The following RBFOX1 variants were observed in gnomAD, a reference collection of about 807,000 sequenced individuals.
RBFOX1 encodes RNA binding fox-1 homolog 1, also known as RNA binding protein fox-1 homolog 1.
Under a neutral mutation model 57.7 loss-of-function variants are expected in RBFOX1, and 8 were observed. That is an observed-to-expected ratio of 0.14 (90% CI 0.08 to 0.25). The LOEUF is 0.25. RBFOX1 is among the 10% of genes least tolerant of loss of function. RBFOX1 has a pLI of 1.00. For missense variants in RBFOX1, 611 were observed against 548.5 expected (o/e 1.11, Z -1.14); for synonymous variants, 326 against 222.4 (o/e 1.47, Z -4.15).
At chr16:6,565,897 A>G (rs961605513) in intron 2 of RBFOX1, among the ~76,000 whole-genome samples, 4 of 152,194 alleles carry the variant, frequency 2.6e-5, no homozygotes, top group African/African-American at 7.2e-5. Flanking sequence ...CCCAATATCC[A>G]TGGCTTAAAA....
intron 3 of RBFOX1, among the ~76,000 whole-genome samples, chr16:6,969,636 C>G (rs13331573): frequency 6.6e-6 from 1 of 151,948 alleles, no homozygotes; most frequent in East Asian, 1.9e-4. Context: ...CTCAGCTACT[C>G]GGGAGGCTGA....
chr16:7,629,712 G>C (rs1460115234), intron 10 of RBFOX1, among the ~76,000 whole-genome samples: 1 of 152,220 alleles, frequency 6.6e-6, no homozygotes, highest in East Asian at 1.9e-4. Context: ...AGATTGAGGA[G>C]GTATCTCAGG....
chr16:7,533,415 T>TAA (rs1555560643), intron 5 of RBFOX1, among the ~76,000 whole-genome samples: 3 of 151,360 alleles, frequency 2.0e-5, no homozygotes, highest in African/African-American at 7.3e-5. Flanking sequence ...CCTGCATTTT[T>TAA]TAAAAAAAAA....
intron 2 of RBFOX1, among the ~76,000 whole-genome samples, chr16:6,632,748 G>A (rs938266920): frequency 6.6e-5 from 10 of 152,190 alleles, no homozygotes; most frequent in African/African-American, 1.7e-4. Flanking sequence ...TTAAGCAGCC[G>A]CAAGGCCTAT....
intron 2 of RBFOX1, among the ~76,000 whole-genome samples, chr16:6,473,525 A>C (rs752428437): frequency 6.6e-6 from 1 of 151,800 alleles, no homozygotes; most frequent in Admixed American, 6.6e-5. Flanking sequence ...AAGCTACATG[A>C]GGGCTCTTGT....
At chr16:6,842,727 A>G (rs2093550803) in intron 3 of RBFOX1, among the ~76,000 whole-genome samples, 2 of 150,968 alleles carry the variant, frequency 1.3e-5, no homozygotes, top group South Asian at 4.2e-4. Flanking sequence ...ATAGGTATAC[A>G]TGTGCCATGG....
rs560138526 is a variant in RBFOX1 at position 6,948,135 on chromosome 16, A to G, written c.-15-103922A>G. ...GAAGGAGTAGAAAACAATACAAAAT[A>G]GAAACATGCCTTTCAGCCAGGCATG... On this transcript the variant is annotated intron_variant, in intron 3 of 15. Coordinates refer to ENST00000550418, the MANE Select transcript of RBFOX1 (RefSeq NM_018723.4). Among the ~76,000 whole-genome samples the G allele has an allele frequency of 7.9e-5, 12 of 152,214 alleles. No individual in the cohort carries two copies. The East Asian group carries it at 2.1e-3, about 27-fold the overall frequency.
At chr16:6,661,655 C>T (rs1370227669) in intron 3 of RBFOX1, among the ~76,000 whole-genome samples, 1 of 152,132 alleles carries the variant, frequency 6.6e-6, no homozygotes, top group Non-Finnish European at 1.5e-5. Context: ...CAGAGACTGG[C>T]CCTGGGTGAA....
intron 4 of RBFOX1, among the ~76,000 whole-genome samples, chr16:7,245,953 C>G (rs1603443250): frequency 6.6e-6 from 1 of 152,122 alleles, no homozygotes; most frequent in Admixed American, 6.5e-5. Context: ...ACACAATTAG[C>G]CCATCCCTGA....
chr16:5,445,574 C>G (rs917489089), intron 1 of RBFOX1, among the ~76,000 whole-genome samples: 3 of 152,182 alleles, frequency 2.0e-5, no homozygotes, highest in Non-Finnish European at 4.4e-5. Flanking sequence ...CTCTGGATTT[C>G]TTTAGGTGAG....
At chr16:6,717,520 C>A (rs914592467) in intron 3 of RBFOX1, among the ~76,000 whole-genome samples, 42 of 151,800 alleles carry the variant, frequency 2.8e-4, no homozygotes, top group African/African-American at 9.9e-4. Flanking sequence ...GATTTAACAA[C>A]CAAAAATTGT....
chr16:6,107,682 T>C (rs1189348068), intron 1 of RBFOX1, among the ~76,000 whole-genome samples: 3 of 103,138 alleles, frequency 2.9e-5, no homozygotes, highest in Non-Finnish European at 5.5e-5. Flanking sequence ...GGTGGATGGA[T>C]AGGTGGGTGG....
intron 1 of RBFOX1, among the ~76,000 whole-genome samples, chr16:5,303,457 C>T (rs1310068140): frequency 6.6e-6 from 1 of 152,164 alleles, no homozygotes. Flanking sequence ...TTTGCTGTCA[C>T]CTCTCTTTCC....
chr16:6,706,572 T>G (rs528240640), intron 3 of RBFOX1, among the ~76,000 whole-genome samples: 2 of 152,314 alleles, frequency 1.3e-5, no homozygotes, highest in Admixed American at 1.3e-4. Context: ...TGTTTCTGGA[T>G]GCTGGGATGT....
chr16:6,542,507 T>TTTTTTTTTTTTA (rs3066933), intron 2 of RBFOX1, among the ~76,000 whole-genome samples: 1 of 107,042 alleles, frequency 9.3e-6, no homozygotes, highest in Non-Finnish European at 2.0e-5. Flanking sequence ...TTTTTTTTTT[T>TTTTTTTTTTTTA]GAGCAGGAGT....
At chr16:7,699,780 A>T (rs1396363909) in intron 14 of RBFOX1, among the ~76,000 whole-genome samples, 1 of 152,030 alleles carries the variant, frequency 6.6e-6, no homozygotes, top group Non-Finnish European at 1.5e-5. Flanking sequence ...TTAAAATGAC[A>T]TATGTCTTGC....
chr16:7,252,022 G>A (rs1177292131), intron 4 of RBFOX1, among the ~76,000 whole-genome samples: 1 of 152,182 alleles, frequency 6.6e-6, no homozygotes, highest in Non-Finnish European at 1.5e-5. Flanking sequence ...CAGTATTTGG[G>A]TGGTGAGACA....
chr16:7,385,906 C>G (rs887195456), intron 4 of RBFOX1, among the ~76,000 whole-genome samples: 2 of 141,550 alleles, frequency 1.4e-5, no homozygotes, highest in Middle Eastern at 3.7e-3. Flanking sequence ...GCACATGCCA[C>G]CATGCCCAGT....
At chr16:7,223,170 A>G (rs1444119365) in intron 4 of RBFOX1, among the ~76,000 whole-genome samples, 3 of 152,238 alleles carry the variant, frequency 2.0e-5, no homozygotes, top group Non-Finnish European at 4.4e-5. Flanking sequence ...TTGACCAGCC[A>G]GGACAACAAA....
Sources: gnomAD v4.1 joint callset for allele counts (sites outside exome capture counted in the v4.1 genomes callset) on GRCh38, gnomAD v4.1.1 for gene constraint, MANE v1.5 for transcripts, NCBI Gene and HGNC (gene_info 2026-07-23, HGNC 2026-07-21) for gene names.